EPHA10: variants seen among roughly 807,000 people sequenced by gnomAD.
The protein encoded by EPHA10 is EPH receptor A10, also known as ephrin type-A receptor 10.
In EPHA10, 120 loss-of-function variants were observed where a neutral mutation model predicts 109.7. The ratio of observed to expected loss-of-function variants is 1.09; its 90% CI spans 0.94 to 1.27. EPHA10 has a LOEUF of 1.27. Ranked by LOEUF, EPHA10 falls within the 50% of genes most tolerant of loss-of-function variation. The pLI is 0.00. For missense variants in EPHA10, 1,396 were observed against 1,411.1 expected (o/e 0.99, Z 0.17); for synonymous variants, 640 against 618.9 (o/e 1.03, Z -0.51).
chr1:37,716,859 G>A lies in EPHA10; in HGVS notation c.*1513C>T. 4.3e-6 allele frequency: 1 copy of A among 232,934 alleles called. No homozygotes were observed. Among genetic ancestry groups the A allele is most frequent in the Non-Finnish European group, 8.5e-6 (1 of 117,884 alleles). The allele number at this position is 232,934 out of a possible 1,614,324, so 14.4% of individuals were successfully genotyped here. The stretch of plus-strand genomic sequence containing the variant: ...AAGAGAGTGGCTATCTCCCCCTCCA[G>A]CCCACCTACCCACTGACCCAGAGGG... On this transcript the variant is annotated 3_prime_UTR_variant, in exon 17 of 17. Coordinates refer to ENST00000373048, the MANE Select transcript of EPHA10 (RefSeq NM_001099439.2).
Position 37,715,983 on chromosome 1 carries a change from C to T in EPHA10, c.*2389G>A, listed in dbSNP as rs375205968. The T allele has an allele frequency of 3.9e-5, 23 of 587,996 alleles. No homozygotes were observed. Among genetic ancestry groups the T allele is most frequent in the African/African-American group, 3.1e-4 (17 of 55,336 alleles). The allele number at this position is 587,996 out of a possible 1,614,324, so 36.4% of individuals were successfully genotyped here. ...ACTCAAAGAGGCACCATATCACAGA[C>T]AAGTTTTTATTATCCTGCATAGAGA... On this transcript the variant is annotated 3_prime_UTR_variant, in exon 17 of 17. Coordinates refer to ENST00000373048, the MANE Select transcript of EPHA10 (RefSeq NM_001099439.2).
chr1:37,720,895 A>T, intron 11 of EPHA10, 51 bp from the exon 12 acceptor site: 1 of 1,590,402 alleles, frequency 6.3e-7, no homozygotes, highest in South Asian at 1.1e-5. Flanking sequence ...TCCACTCCGC[A>T]CGCACACAAG....
At chr1:37,762,716 G>C (rs1457986117) in intron 2 of EPHA10, 69 bp downstream of exon 2, 25 of 1,388,664 alleles carry the variant, frequency 1.8e-5, no homozygotes, top group Non-Finnish European at 2.4e-5. Flanking sequence ...TAAACATGAG[G>C]AGCTGAGGAG....
chr1:37,719,700 A>C, intron 14 of EPHA10, 93 bp from the exon 15 acceptor site: 1 of 1,452,792 alleles, frequency 6.9e-7, no homozygotes, highest in East Asian at 2.3e-5. Flanking sequence ...AGACACAGAC[A>C]CACACACACA....
chr1:37,722,415 C>T (rs548590072), intron 10 of EPHA10: 28 of 224,782 alleles, frequency 1.2e-4, no homozygotes, highest in South Asian at 1.2e-3. Flanking sequence ...TTCTGTCCAG[C>T]GGGTCTGGAG....
chr1:37,719,658 T>C (rs1271603012), intron 14 of EPHA10, 51 bp from the exon 15 acceptor site: 1 of 1,601,168 alleles, frequency 6.2e-7, no homozygotes, highest in Admixed American at 1.7e-5. Flanking sequence ...TTCCCCAGCA[T>C]ATGGTGTGTG....
chr1:37,761,718 C>T lies in EPHA10; in HGVS notation c.537G>A (p.Glu179=). ...RKMKLNTEVR[E]IGPLSRRGFH... ...AACCCCGCCGGCTGAGCGGTCCGAT[C>T]TCGCGCACCTCTGTGTTCAGCTTCA... Residue 179 remains glutamate (E), a synonymous_variant, in exon 3 of 17, where the codon GAG becomes GAA. Coordinates refer to ENST00000373048, the MANE Select transcript of EPHA10 (RefSeq NM_001099439.2). The T allele has an allele frequency of 1.2e-6, 2 of 1,613,704 alleles. No individual in the cohort carries two copies. The highest frequency in any genetic ancestry group is 1.7e-6 in the Non-Finnish European group (2 of 1,179,910).
chr1:37,762,163 TTC>T (rs972348475), intron 2 of EPHA10, 80 bp from the exon 3 acceptor site: 2 of 1,337,400 alleles, frequency 1.5e-6, no homozygotes, highest in African/African-American at 2.9e-5. Context: ...GACTCCTGCT[TTC>T]TCTCTCATGC....
intron 5 of EPHA10, among the ~76,000 whole-genome samples, chr1:37,743,561 C>T (rs616155): frequency 0.34 from 51,516 of 151,798 alleles, 8,745 homozygotes; most frequent in East Asian, 0.47. Context: ...AAGAAGGAAC[C>T]ACAACTGAAT....
At position 37,718,776 on chromosome 1, in the gene EPHA10, G is replaced by A. The variant is rs1336893661; in HGVS notation, c.2797C>T (p.Pro933Ser). Residue 933 changes from proline to serine, a missense_variant, in exon 16 of 17, where the codon CCC becomes TCC. By Grantham distance (74) the Pro-to-Ser change is moderately conservative. Coordinates refer to ENST00000373048, the MANE Select transcript of EPHA10 (RefSeq NM_001099439.2). Reference sequence around the variant, plus strand: ...CACGCGCCCACAGAGCCAAAGGAGGGGAAGGTGGAGAAGGCACGGTCCGCT... The same window carrying A: ...CACGCGCCCACAGAGCCAAAGGAGGAGAAGGTGGAGAAGGCACGGTCCGCT... ...PLADRAFSTF[P>S]SFGSVGAWLE... The A allele has an allele frequency of 1.2e-6, 2 of 1,612,958 alleles. No homozygotes were observed. The highest frequency in any genetic ancestry group is 1.7e-6 in the Non-Finnish European group (2 of 1,179,992).
intron 3 of EPHA10, chr1:37,761,088 T>TAAA (rs375615094): frequency 0.019 from 17,682 of 946,590 alleles, 68 homozygotes; most frequent in Non-Finnish European, 0.021. Flanking sequence ...ACTCCTTATT[T>TAAA]TAAAAAAAAA....
Position 37,718,710 on chromosome 1 carries a change from C to T in EPHA10, c.2863G>A (p.Ala955Thr), listed in dbSNP as rs11583463. Residue 955 changes from alanine (A) to threonine (T), a missense_variant, in exon 16 of 17, where the codon GCG becomes ACG. Coordinates refer to ENST00000373048, the MANE Select transcript of EPHA10 (RefSeq NM_001099439.2). ...LDLCRYKDSF[A>T]AAGYGSLEAV... is the part of the protein sequence containing the mutation. ...TCCAGGCTCCCATAGCCAGCAGCCG[C>T]GAAGCTGTCCTTGTAGCGGCACAGG... 26,948 of 1,613,274 alleles carry T rather than the reference C, an allele frequency of 0.017. 310 individuals are homozygous for T. The highest frequency in any genetic ancestry group is 0.021 in the Non-Finnish European group (24,463 of 1,180,034).
rs1293388927 is a variant in EPHA10 at position 37,762,084 on chromosome 1, C to G, written c.172-1G>C. The G allele has an allele frequency of 6.3e-7, 1 of 1,578,646 alleles. No homozygotes were observed. The stretch of plus-strand genomic sequence containing the variant: ...CATCCACGCCGCTGATCTCCTCCCA[C>G]TGGGGACAAGAGTAAAGGGGTGGGC... On this transcript the variant is annotated splice_acceptor_variant, in intron 2 of 16. Transcript: ENST00000373048. LOFTEE classifies it high-confidence loss of function.
At chr1:37,763,438 A>G (rs1646450358) in intron 1 of EPHA10, among the ~76,000 whole-genome samples, 1 of 152,206 alleles carries the variant, frequency 6.6e-6, no homozygotes, top group Non-Finnish European at 1.5e-5. Flanking sequence ...CAACCTCTCC[A>G]TCTCAAAAGA....
At position 37,721,760 on chromosome 1, in the gene EPHA10, G is replaced by T; in HGVS notation, c.2046C>A (p.Ser682Arg). The stretch of plus-strand genomic sequence containing the variant: ...AGCCGAGCCTCTGTGAGTCGGAGGC[G>T]CTGTCCCTCAGCATATGCACGGCTA... Reference protein sequence around the residue: ...LLVAVHMLRDSASDSQRLGFL... With the variant: ...LLVAVHMLRDRASDSQRLGFL... Residue 682 changes from serine to arginine, a missense_variant, in exon 11 of 17, where the codon AGC (serine) becomes AGA (arginine). Ser to Arg is a moderately radical substitution (Grantham distance 110, BLOSUM62 -1). Transcript: ENST00000373048. 1 of 1,612,452 alleles carries T rather than the reference G, an allele frequency of 6.2e-7. No homozygotes were observed. Among genetic ancestry groups the T allele is most frequent in the Non-Finnish European group, 8.5e-7 (1 of 1,179,750 alleles).
Position 37,716,235 on chromosome 1 carries a change from CT to C in EPHA10, c.*2136del. The stretch of plus-strand genomic sequence containing the variant: ...CCAACAGGATTCTGGGACCTCACTC[CT>C]CAGTGGAGGGGAGATCTACCCTGGA... On this transcript the variant is annotated 3_prime_UTR_variant, in exon 17 of 17. Transcript: ENST00000373048. 3.4e-6 allele frequency: 1 copy of C among 297,910 alleles called. No individual in the cohort carries two copies. Among genetic ancestry groups the C allele is most frequent in the Non-Finnish European group, 6.3e-6 (1 of 158,128 alleles). The allele number at this position is 297,910 out of a possible 1,614,324, so 18.5% of individuals were successfully genotyped here.
chr1:37,746,843 G>A (rs1434519359), intron 5 of EPHA10, among the ~76,000 whole-genome samples: 1 of 152,180 alleles, frequency 6.6e-6, no homozygotes, highest in African/African-American at 2.4e-5. Flanking sequence ...AAGCCATTAT[G>A]CTAAGTGAGA....
rs1196079587 is a variant in EPHA10, at chr1:37,753,240, G to GGGGCGGGGCGGTCA, written c.1007-28_1007-15dup. ...CCGACGGCGGCCCTGAGGCGGCACA[G>GGGGCGGGGCGGTCA]GGGCGGGGCGGTCAGGGCGGGGCGT... On this transcript the variant is annotated splice_polypyrimidine_tract_variant and intron_variant, in intron 4 of 16. Transcript: ENST00000373048. The GGGGCGGGGCGGTCA allele has an allele frequency of 1.5e-6, 2 of 1,297,920 alleles. No individual in the cohort carries two copies. The highest frequency in any genetic ancestry group is 9.7e-7 in the Non-Finnish European group (1 of 1,027,032). 80.4% of individuals were successfully genotyped at this position (1,297,920 alleles called of 1,614,324 possible). A position where few individuals can be genotyped will look rare whatever the true frequency, so the allele number is the denominator to read the frequency against.
intron 5 of EPHA10, among the ~76,000 whole-genome samples, chr1:37,752,309 G>A (rs114218812): frequency 0.016 from 2,400 of 152,152 alleles, 64 homozygotes; most frequent in African/African-American, 0.055. Flanking sequence ...AACTCTACAA[G>A]CTTCCTTGCC....
Sources: allele counts gnomAD v4.1 joint callset (sites outside exome capture counted in the v4.1 genomes callset), GRCh38; gene constraint gnomAD v4.1.1; transcripts MANE v1.5; gene names NCBI Gene and HGNC (gene_info 2026-07-23, HGNC 2026-07-21).